ELP4: variants seen among roughly 807,000 people sequenced by gnomAD.
ELP4 encodes the protein elongator acetyltransferase complex subunit 4.
Under a neutral mutation model 48.9 loss-of-function variants are expected in ELP4, and 51 were observed. That is an observed-to-expected ratio of 1.04 (90% CI 0.83 to 1.32). The LOEUF is 1.32. Ranked by LOEUF, ELP4 falls within the 40% of genes most tolerant of loss-of-function variation. The pLI is 0.00. For missense variants in ELP4, 519 were observed against 514.6 expected, an observed-to-expected ratio of 1.01 and a Z score of -0.08; for synonymous variants, 210 against 189.2, an observed-to-expected ratio of 1.11 and a Z score of -0.90.
intron 9 of ELP4, among the ~76,000 whole-genome samples, chr11:31,706,560 AAATT>A (rs1368080618): frequency 6.8e-6 from 1 of 147,932 alleles, no homozygotes; most frequent in East Asian, 1.9e-4. Context: ...TTAATATATT[AAATT>A]AATATAATTA....
chr11:31,657,098 G>T (rs1312425615), intron 9 of ELP4, among the ~76,000 whole-genome samples: 6 of 151,892 alleles, frequency 4.0e-5, no homozygotes, highest in African/African-American at 1.2e-4. Context: ...ATCCTCCAAG[G>T]TGCCTGTAAT....
At chr11:31,664,645 T>A (rs1945633700) in intron 9 of ELP4, among the ~76,000 whole-genome samples, 1 of 152,144 alleles carries the variant, frequency 6.6e-6, no homozygotes, top group African/African-American at 2.4e-5. Context: ...GTAAGACATT[T>A]GAATATTAAA....
intron 2 of ELP4, 59 bp from the exon 3 acceptor site, chr11:31,539,603 A>G: frequency 1.3e-6 from 2 of 1,525,386 alleles, no homozygotes; most frequent in Non-Finnish European, 1.8e-6. Flanking sequence ...TTGCTGTTTG[A>G]TAGCCATTTG....
intron 9 of ELP4, among the ~76,000 whole-genome samples, chr11:31,736,894 T>C (rs1019853811): frequency 6.6e-6 from 1 of 152,220 alleles, no homozygotes; most frequent in African/African-American, 2.4e-5. Flanking sequence ...TCAACCATTG[T>C]GGAAGTCAGT....
intron 3 of ELP4, among the ~76,000 whole-genome samples, chr11:31,552,099 T>C (rs2104246): frequency 0.37 from 56,089 of 151,988 alleles, 13,013 homozygotes; most frequent in African/African-American, 0.66. Context: ...CTTGATATCA[T>C]TGATCATTCC....
intron 9 of ELP4, chr11:31,651,089 G>T (rs952019551): frequency 6.6e-6 from 1 of 151,702 alleles, no homozygotes; most frequent in Non-Finnish European, 1.5e-5. Flanking sequence ...ATCACCAAAT[G>T]ATGGTCAATG....
intron 9 of ELP4, chr11:31,664,181 A>G (rs1203762545): frequency 9.9e-5 from 15 of 152,280 alleles, no homozygotes; most frequent in Admixed American, 9.8e-4. Context: ...TTGAACAGGA[A>G]TTAAGAATAA....
intron 3 of ELP4, among the ~76,000 whole-genome samples, chr11:31,589,629 T>C (rs1957536351): frequency 6.6e-6 from 1 of 152,208 alleles, no homozygotes; most frequent in African/African-American, 2.4e-5. Context: ...TAGATATATT[T>C]CTGAAAGATT....
At chr11:31,618,116 T>C (rs1416981132) in intron 5 of ELP4, among the ~76,000 whole-genome samples, 1 of 152,080 alleles carries the variant, frequency 6.6e-6, no homozygotes, top group East Asian at 1.9e-4. Flanking sequence ...AAAAATGTTA[T>C]ATCCATACAA....
chr11:31,569,932 C>T (rs1957167794), intron 3 of ELP4, among the ~76,000 whole-genome samples: 1 of 152,150 alleles, frequency 6.6e-6, no homozygotes, highest in Non-Finnish European at 1.5e-5. Context: ...TCAGTTCAGC[C>T]ACTGTAGAGA....
chr11:31,747,838 G>A (rs1053047634), intron 9 of ELP4, among the ~76,000 whole-genome samples: 4 of 152,228 alleles, frequency 2.6e-5, no homozygotes, highest in African/African-American at 7.2e-5. Context: ...TTTAACAAAT[G>A]ATTAATGATT....
intron 5 of ELP4, among the ~76,000 whole-genome samples, chr11:31,606,199 A>T (rs563971298): frequency 6.6e-6 from 1 of 152,272 alleles, no homozygotes; most frequent in African/African-American, 2.4e-5. Flanking sequence ...TAAATGCTTA[A>T]TTAAATGTAA....
chr11:31,673,394 C>T (rs1945851364), intron 9 of ELP4, among the ~76,000 whole-genome samples: 2 of 152,042 alleles, frequency 1.3e-5, no homozygotes, highest in Admixed American at 1.3e-4. Context: ...ACAGTGGTGT[C>T]ATCATAGCTC....
At position 31,733,274 on chromosome 11, in the gene ELP4, A is replaced by C. The variant is rs1040408997; in HGVS notation, c.1144-50119A>C. On this transcript the variant is annotated intron_variant, in intron 9 of 9. Transcript: ENST00000640961. ...GTGGATCACTTGAGGTCAGGAGTTC[A>C]AGACCAGCCTGGCCAACATGGTGAA... is the stretch of plus-strand genomic sequence containing the variant. 2.0e-5 allele frequency among the ~76,000 whole-genome samples: 3 copies of C among 151,896 alleles called. No homozygotes were observed. In the South Asian group the frequency reaches 6.2e-4, roughly 32 times the overall value.
At chr11:31,617,713 C>T (rs1420555733) in intron 5 of ELP4, among the ~76,000 whole-genome samples, 1 of 114,716 alleles carries the variant, frequency 8.7e-6, no homozygotes, top group African/African-American at 3.1e-5. Context: ...AAAGATATTC[C>T]AAGCCAAAAA....
chr11:31,616,708 T>A (rs1052188875), intron 5 of ELP4, among the ~76,000 whole-genome samples: 1 of 152,044 alleles, frequency 6.6e-6, no homozygotes, highest in Non-Finnish European at 1.5e-5. Flanking sequence ...AAAGAACTCC[T>A]ACGACTTGAC....
chr11:31,615,853 C>CTAGTCATG (rs1263438486), intron 5 of ELP4, among the ~76,000 whole-genome samples: 111 of 152,128 alleles, frequency 7.3e-4, no homozygotes, highest in African/African-American at 2.5e-3. Context: ...ATCTAGTCAT[C>CTAGTCATG]CCACCCAATC....
intron 9 of ELP4, among the ~76,000 whole-genome samples, chr11:31,781,893 C>T (rs563954830): frequency 6.6e-6 from 1 of 152,174 alleles, no homozygotes; most frequent in Admixed American, 6.5e-5. Flanking sequence ...AACAAAGAAA[C>T]AAATATGTCT....
intron 9 of ELP4, among the ~76,000 whole-genome samples, chr11:31,756,002 G>A (rs1278194203): frequency 2.6e-5 from 4 of 152,112 alleles, no homozygotes; most frequent in Non-Finnish European, 4.4e-5. Context: ...CTACATATCC[G>A]GGATAAGATT....
Sources: allele counts gnomAD v4.1 joint callset (sites outside exome capture counted in the v4.1 genomes callset), GRCh38; gene constraint gnomAD v4.1.1; transcripts MANE v1.5; gene names NCBI Gene and HGNC (gene_info 2026-07-23, HGNC 2026-07-21).